GABRA3: variants seen among roughly 807,000 people sequenced by gnomAD.
The protein encoded by GABRA3 is gamma-aminobutyric acid type A receptor subunit alpha3, also known as gamma-aminobutyric acid receptor subunit alpha-3.
In GABRA3, 10 loss-of-function variants were observed where a neutral mutation model predicts 30.1. The observed-to-expected ratio is 0.33, with a 90% CI of 0.20 to 0.56. The LOEUF is 0.56. Ranked by LOEUF, GABRA3 falls within the 20% of genes least tolerant of loss-of-function variation. The pLI is 0.89. For synonymous variants in GABRA3, 151 were observed against 146.8 expected (o/e 1.03, Z -0.21); for missense variants, 233 against 392.0 (o/e 0.59, Z 3.42).
chrX:152,287,768 CTTCTAT>C (rs1939324258), intron 3 of GABRA3, among the ~76,000 whole-genome samples: 1 of 110,199 alleles, frequency 9.1e-6, no homozygotes, highest in African/African-American at 3.3e-5. Flanking sequence ...AAGTACCTTT[CTTCTAT>C]TTCTTTTTTT....
intron 3 of GABRA3, among the ~76,000 whole-genome samples, chrX:152,303,100 G>A (rs1176633727): frequency 7.2e-5 from 8 of 111,495 alleles, no homozygotes; most frequent in Non-Finnish European, 1.3e-4. Flanking sequence ...TACCAGTAAT[G>A]GGATTGCTGG....
intron 3 of GABRA3, among the ~76,000 whole-genome samples, chrX:152,299,574 G>A (rs1343094974): frequency 1.8e-5 from 2 of 111,972 alleles, no homozygotes; most frequent in Non-Finnish European, 3.8e-5. Context: ...AATTTGGAGT[G>A]AGGGTCAGTG....
chrX:152,293,439 G>C (rs1939461661), intron 3 of GABRA3, among the ~76,000 whole-genome samples: 1 of 110,413 alleles, frequency 9.1e-6, no homozygotes, highest in Admixed American at 9.7e-5. Flanking sequence ...TTTATTTTGA[G>C]CCTATGTGTG....
chrX:152,297,499 C>A (rs1185031158), intron 3 of GABRA3, among the ~76,000 whole-genome samples: 1 of 111,949 alleles, frequency 8.9e-6, no homozygotes, highest in Non-Finnish European at 1.9e-5. Context: ...TTCCTCCAAA[C>A]TCTCCTTTTG....
chrX:152,214,164 A>G (rs748857977), intron 6 of GABRA3, among the ~76,000 whole-genome samples: 14 of 111,463 alleles, frequency 1.3e-4, no homozygotes, highest in Non-Finnish European at 1.9e-4. Flanking sequence ...CTTATAAGTG[A>G]GAATATGCGG....
At chrX:152,401,287 TAC>T (rs747920658) in intron 1 of GABRA3, among the ~76,000 whole-genome samples, 3,710 of 99,868 alleles carry the variant, frequency 0.037, 177 homozygotes, top group African/African-American at 0.12. Flanking sequence ...TATATATATA[TAC>T]ACACACACAC....
intron 8 of GABRA3, among the ~76,000 whole-genome samples, chrX:152,192,953 C>T (rs1285306431): frequency 8.9e-6 from 1 of 112,105 alleles, no homozygotes; most frequent in African/African-American, 3.2e-5. Flanking sequence ...CCTGACTCTC[C>T]TCTTGAATAC....
chrX:152,346,384 C>G (rs1940392956), intron 2 of GABRA3, among the ~76,000 whole-genome samples: 1 of 111,670 alleles, frequency 9.0e-6, no homozygotes, highest in Non-Finnish European at 1.9e-5. Context: ...CACTATAAGA[C>G]TACTACAAGA....
chrX:152,198,623 C>T (rs1937420407), intron 7 of GABRA3, among the ~76,000 whole-genome samples: 1 of 112,001 alleles, frequency 8.9e-6, no homozygotes, highest in African/African-American at 3.2e-5. Flanking sequence ...ACCCTCTAGG[C>T]CATGATGCTT....
At chrX:152,330,927 A>G (rs935116312) in intron 3 of GABRA3, among the ~76,000 whole-genome samples, 1 of 111,104 alleles carries the variant, frequency 9.0e-6, no homozygotes, top group African/African-American at 3.3e-5. Context: ...TGCATTAAAA[A>G]CCCATTTGCC....
At chrX:152,317,961 A>G (rs780440151) in intron 3 of GABRA3, among the ~76,000 whole-genome samples, 3 of 111,547 alleles carry the variant, frequency 2.7e-5, no homozygotes, top group Admixed American at 9.6e-5. Context: ...AGAAATAACC[A>G]AGATTAGAGC....
intron 6 of GABRA3, among the ~76,000 whole-genome samples, chrX:152,216,417 C>T (rs1937724798): frequency 1.0e-5 from 1 of 99,395 alleles, no homozygotes; most frequent in Admixed American, 1.1e-4. Context: ...CACACACACA[C>T]ACACACACAC....
At chrX:152,325,386 C>CAG (rs1940037418) in intron 3 of GABRA3, among the ~76,000 whole-genome samples, 1 of 111,490 alleles carries the variant, frequency 9.0e-6, no homozygotes, top group Non-Finnish European at 1.9e-5. Flanking sequence ...TGAGAACGGA[C>CAG]AGACTGCCTC....
intron 4 of GABRA3, among the ~76,000 whole-genome samples, chrX:152,283,740 T>G (rs932059800): frequency 4.5e-5 from 5 of 112,019 alleles, no homozygotes; most frequent in African/African-American, 1.3e-4. Context: ...GAAAGAAGCT[T>G]TGTCCCCTGC....
chrX:152,323,171 A>T (rs192374447), intron 3 of GABRA3, among the ~76,000 whole-genome samples: 40 of 111,316 alleles, frequency 3.6e-4, no homozygotes, highest in Middle Eastern at 4.6e-3. Context: ...CTCTTAATTA[A>T]AGTCATCTTA....
At chrX:152,285,369 G>T (rs750410079) in intron 3 of GABRA3, among the ~76,000 whole-genome samples, 4 of 111,544 alleles carry the variant, frequency 3.6e-5, no homozygotes, top group African/African-American at 1.3e-4. Context: ...AATAATTTTT[G>T]GGGGGGTTAA....
At position 152,218,493 on chromosome X, in the gene GABRA3, T is replaced by C. The variant is rs185421673; in HGVS notation, c.634+6270A>G. Among the ~76,000 whole-genome samples the C allele has an allele frequency of 2.7e-5, 3 of 111,392 alleles. No individual in the cohort carries two copies. In the Admixed American group the frequency reaches 2.9e-4, roughly 11 times the overall value. The stretch of plus-strand genomic sequence containing the variant: ...TATGTCTAATTGGTTTATAGAATTG[T>C]TCAAATCTTGTATTTCTGTGTTGAT... On this transcript the variant is annotated intron_variant, in intron 6 of 9. Transcript: ENST00000370314.
At chrX:152,267,229 G>A in intron 4 of GABRA3, among the ~76,000 whole-genome samples, 1 of 111,795 alleles carries the variant, frequency 8.9e-6, no homozygotes, top group Non-Finnish European at 1.9e-5. Flanking sequence ...AATGGATGTT[G>A]GATTTTATCA....
chrX:152,425,184 C>T (rs1930488694), intron 1 of GABRA3, among the ~76,000 whole-genome samples: 1 of 108,837 alleles, frequency 9.2e-6, no homozygotes, highest in South Asian at 4.1e-4. Context: ...CAATTACCTA[C>T]CTCAGCCTGC....
Sources: allele counts gnomAD v4.1 joint callset (sites outside exome capture counted in the v4.1 genomes callset), GRCh38; gene constraint gnomAD v4.1.1; transcripts MANE v1.5; gene names NCBI Gene and HGNC (gene_info 2026-07-23, HGNC 2026-07-21).